Variants in RAD51B observed in about 807,000 individuals in gnomAD.
RAD51B encodes DNA repair protein RAD51 homolog 2.
Under a neutral mutation model 42.2 loss-of-function variants are expected in RAD51B, and 38 were observed. That is an observed-to-expected ratio of 0.90 (90% confidence interval 0.70 to 1.18). The LOEUF is 1.18. RAD51B is among the 50% of genes most tolerant of loss of function. The pLI, the probability that RAD51B is intolerant of heterozygous loss-of-function variation, is 0.00. For synonymous variants in RAD51B, 154 were observed against 145.2 expected (o/e 1.06, Z -0.43); for missense variants, 373 against 400.7 (o/e 0.93, Z 0.59).
chr14:67,932,489 A>G (rs558754295), intron 7 of RAD51B, among the ~76,000 whole-genome samples: 86 of 152,248 alleles, frequency 5.6e-4, no homozygotes, highest in Middle Eastern at 6.8e-3. Flanking sequence ...CACAGTGTGC[A>G]GTGGCACTAG....
chr14:68,533,784 T>C (rs1203360663), intron 10 of RAD51B, among the ~76,000 whole-genome samples: 1 of 152,246 alleles, frequency 6.6e-6, no homozygotes, highest in Non-Finnish European at 1.5e-5. Context: ...ACTGCAGTCA[T>C]AGATTTAAAG....
intron 7 of RAD51B, among the ~76,000 whole-genome samples, chr14:68,049,399 G>A (rs2076356962): frequency 6.6e-6 from 1 of 152,126 alleles, no homozygotes; most frequent in Non-Finnish European, 1.5e-5. Flanking sequence ...AATGAGTCCA[G>A]GAATCAGTAA....
At chr14:68,529,284 C>T (rs529555378) in intron 10 of RAD51B, among the ~76,000 whole-genome samples, 52 of 152,328 alleles carry the variant, frequency 3.4e-4, no homozygotes, top group African/African-American at 1.2e-3. Context: ...GCAACTTCCT[C>T]CTCCTAGGTT....
chr14:67,932,700 G>A (rs940337617), intron 7 of RAD51B, among the ~76,000 whole-genome samples: 25 of 152,150 alleles, frequency 1.6e-4, no homozygotes, highest in African/African-American at 6.0e-4. Context: ...GATGGTGGCT[G>A]TGATGCAGGG....
intron 10 of RAD51B, among the ~76,000 whole-genome samples, chr14:68,601,144 C>T (rs145807743): frequency 7.0e-4 from 107 of 152,218 alleles, no homozygotes; most frequent in African/African-American, 2.5e-3. Context: ...ACACCTGGCC[C>T]CAAGATCCCT....
intron 7 of RAD51B, among the ~76,000 whole-genome samples, chr14:68,156,214 TTG>T (rs1045549160): frequency 3.3e-5 from 5 of 152,332 alleles, no homozygotes; most frequent in African/African-American, 1.2e-4. Flanking sequence ...ATCACTTTTT[TTG>T]TGTGTGCATG....
At chr14:68,470,767 TG>T (rs2086103822) in intron 10 of RAD51B, 5 of 423,254 alleles carry the variant, frequency 1.2e-5, no homozygotes, top group South Asian at 9.0e-5. Context: ...GTGTGGGGGC[TG>T]CAGCATAAAA....
chr14:68,634,802 C>A (rs925034934), intron 10 of RAD51B, among the ~76,000 whole-genome samples: 1 of 152,266 alleles, frequency 6.6e-6, no homozygotes, highest in Non-Finnish European at 1.5e-5. Flanking sequence ...ATTGGGGATT[C>A]ATTTACACCA....
chr14:68,468,127 C>G, intron 9 of RAD51B, 45 bp from the exon 10 acceptor site: 1 of 1,548,994 alleles, frequency 6.5e-7, no homozygotes, highest in African/African-American at 1.4e-5. Flanking sequence ...AGAGGCCCAT[C>G]CCTGATCCTT....
intron 10 of RAD51B, among the ~76,000 whole-genome samples, chr14:68,561,198 C>G (rs182545515): frequency 6.6e-6 from 1 of 152,174 alleles, no homozygotes; most frequent in Non-Finnish European, 1.5e-5. Context: ...GCATGGTGCC[C>G]GCTTCCACAA....
chr14:68,510,960 A>T (rs1041817031), intron 10 of RAD51B, among the ~76,000 whole-genome samples: 1 of 152,170 alleles, frequency 6.6e-6, no homozygotes, highest in South Asian at 2.1e-4. Flanking sequence ...AAGGGACAGG[A>T]CAAGCAGCCA....
intron 7 of RAD51B, among the ~76,000 whole-genome samples, chr14:68,076,642 A>C (rs2076838316): frequency 6.6e-6 from 1 of 152,206 alleles, no homozygotes. Context: ...GAGGTTGTCA[A>C]AGAAATTCCT....
intron 7 of RAD51B, among the ~76,000 whole-genome samples, chr14:68,016,926 AAAAG>A (rs1345827053): frequency 1.3e-5 from 2 of 152,226 alleles, no homozygotes; most frequent in African/African-American, 4.8e-5. Flanking sequence ...TGAAAAAGAA[AAAAG>A]AAAGAATGCT....
chr14:68,496,235 T>A (rs1158168201), intron 10 of RAD51B, among the ~76,000 whole-genome samples: 1 of 152,182 alleles, frequency 6.6e-6, no homozygotes, highest in Non-Finnish European at 1.5e-5. Context: ...TGGCTGTTGT[T>A]CCTATAAAAA....
intron 7 of RAD51B, among the ~76,000 whole-genome samples, chr14:68,042,759 A>T (rs1458936029): frequency 6.6e-6 from 1 of 152,254 alleles, no homozygotes; most frequent in Non-Finnish European, 1.5e-5. Context: ...GCTCCGAGGC[A>T]TGCCAAGTCA....
intron 7 of RAD51B, among the ~76,000 whole-genome samples, chr14:68,027,701 T>A (rs2075976654): frequency 6.6e-6 from 1 of 152,218 alleles, no homozygotes; most frequent in African/African-American, 2.4e-5. Context: ...AGTTTGGTTC[T>A]TTCTGAAAAT....
chr14:68,526,295 C>T (rs1886925730), intron 10 of RAD51B, among the ~76,000 whole-genome samples: 1 of 152,190 alleles, frequency 6.6e-6, no homozygotes, highest in Admixed American at 6.5e-5. Context: ...ATGTTTTGGT[C>T]AACAACTGAC....
intron 8 of RAD51B, among the ~76,000 whole-genome samples, chr14:68,349,076 T>G (rs1206354271): frequency 6.6e-6 from 1 of 152,232 alleles, no homozygotes; most frequent in African/African-American, 2.4e-5. Flanking sequence ...TCAATAAAAC[T>G]TTGTTTATGA....
intron 7 of RAD51B, among the ~76,000 whole-genome samples, chr14:68,261,431 T>C (rs2080887307): frequency 2.0e-5 from 3 of 152,218 alleles, no homozygotes; most frequent in Admixed American, 2.0e-4. Flanking sequence ...GGAGTTGAGG[T>C]GAAAGATACA....
Sources: allele counts gnomAD v4.1 joint callset (sites outside exome capture counted in the v4.1 genomes callset), GRCh38; gene constraint gnomAD v4.1.1; transcripts MANE v1.5; gene names NCBI Gene and HGNC (gene_info 2026-07-23, HGNC 2026-07-21).